The following IL2RB variants were observed in gnomAD, a reference collection of about 807,000 sequenced individuals.
The protein encoded by IL2RB is interleukin 2 receptor subunit beta, also known as interleukin-2 receptor subunit beta.
IL2RB carries 17 observed loss-of-function variants against 44.2 expected under a neutral mutation model. That is an observed-to-expected ratio of 0.38 (90% CI 0.26 to 0.58). The LOEUF (loss-of-function observed/expected upper bound fraction) is 0.58. Among genes scored for constraint, IL2RB ranks in the 20% least tolerant of loss-of-function variants. The probability of loss-of-function intolerance (pLI) is 0.63; values close to 1 mark genes in which losing one functional copy is unlikely to be tolerated. For synonymous variants in IL2RB, 286 were observed against 297.9 expected (o/e 0.96, Z 0.41); for missense variants, 624 against 685.5 (o/e 0.91, Z 1.00).
upstream of IL2RB, among the ~76,000 whole-genome samples, chr22:37,150,337 C>T (rs1237401526): frequency 6.6e-6 from 1 of 152,150 alleles, no homozygotes; most frequent in Non-Finnish European, 1.5e-5. Context: ...TCTCACCCTC[C>T]TCCCAGCCTG....
intron 7 of IL2RB, 120 bp from the exon 8 acceptor site, chr22:37,135,562 G>A (rs1601597675): frequency 4.7e-6 from 3 of 642,308 alleles, no homozygotes; most frequent in East Asian, 5.3e-5. Context: ...CGTCTGGGGG[G>A]CTGGGGACAG....
rs781374102 is a variant in IL2RB, at chr22:37,143,578, C to T, written c.146G>A (p.Ser49Asn). The change falls in exon 3 of 10, where the codon AGC becomes AAC. Residue 49 changes from serine to asparagine, a missense_variant. Around this residue, in one of 3 missense-constraint regions of IL2RB, gnomAD observed 78 missense variants for 70.0 expected, o/e 1.11. Transcript: ENST00000216223. The part of the protein sequence containing the change: ...NSRANISCVW[S>N]QDGALQDTSC... ...AGTGTCCTGCAGAGCCCCATCTTGGCTCCAGACACAGGAGATGTTGGCTCT... is the reference window on the plus strand; with the variant it reads ...AGTGTCCTGCAGAGCCCCATCTTGGTTCCAGACACAGGAGATGTTGGCTCT... 1.2e-6 allele frequency: 2 copies of T among 1,614,018 alleles called. No homozygotes were observed. The highest frequency in any genetic ancestry group is 1.7e-6 in the Non-Finnish European group (2 of 1,180,022).
At chr22:37,148,197 G>A (rs969775521) in intron 1 of IL2RB, among the ~76,000 whole-genome samples, 6 of 138,554 alleles carry the variant, frequency 4.3e-5, no homozygotes, top group African/African-American at 1.8e-4. Context: ...GAGGTGCAGC[G>A]ATGCTCGGAG....
intron 1 of IL2RB, among the ~76,000 whole-genome samples, chr22:37,149,029 C>T (rs116758994): frequency 2.6e-5 from 4 of 152,228 alleles, no homozygotes; most frequent in East Asian, 1.9e-4. Flanking sequence ...CAGCTGGGTG[C>T]GGGACCCTGG....
chr22:37,159,518 G>A lies in IL2RB; in HGVS notation c.-33-15313C>T, dbSNP rs543863368. 3.9e-5 allele frequency among the ~76,000 whole-genome samples: 6 copies of A among 152,282 alleles called. No individual in the cohort carries two copies. In the South Asian group the frequency reaches 1.0e-3, roughly 26 times the overall value. ...AAGGAGCAAGGCAGGCTAGATCTGG[G>A]TATCACCTGGCCCTACAACATATAT... is the stretch of plus-strand genomic sequence containing the variant. On this transcript the variant is annotated intron_variant, in intron 1 of 5. Coordinates refer to the IL2RB transcript ENST00000429622.
intron 1 of IL2RB, among the ~76,000 whole-genome samples, chr22:37,174,090 A>C (rs538247692): frequency 1.8e-4 from 28 of 152,210 alleles, no homozygotes; most frequent in African/African-American, 6.7e-4. Flanking sequence ...TCAGGGGTAA[A>C]TCTCACTTCC....
intron 1 of IL2RB, among the ~76,000 whole-genome samples, chr22:37,157,590 T>C (rs1922724765): frequency 6.6e-6 from 1 of 152,108 alleles, no homozygotes; most frequent in Non-Finnish European, 1.5e-5. Flanking sequence ...AGATTTACAG[T>C]GATATTCCTA....
In IL2RB at chr22:37,136,391, C is replaced by T; in HGVS notation, c.540G>A (p.Glu180=). 1 of 1,608,108 alleles carries T rather than the reference C, an allele frequency of 6.2e-7. No homozygotes were observed. The highest frequency in any genetic ancestry group is 8.5e-7 in the Non-Finnish European group (1 of 1,177,572). Residue 180 remains glutamate (E), a splice_region_variant and synonymous_variant, in exon 7 of 10, where the codon GAG becomes GAA. Transcript: ENST00000216223. ...TCTGCTTGAGAGTCAGCAGGGGGGC[C>T]TCCTGGGTCGGAGACAGGACTGTCA... The part of the protein sequence containing the change: ...RTLSPGHTWE[E]APLLTLKQKQ...
chr22:37,139,711 C>T (rs1022016496), intron 4 of IL2RB, among the ~76,000 whole-genome samples: 4 of 152,214 alleles, frequency 2.6e-5, no homozygotes, highest in Non-Finnish European at 4.4e-5. Flanking sequence ...TCCCCTATCT[C>T]TCCCCATCCC....
intron 7 of IL2RB, among the ~76,000 whole-genome samples, chr22:37,136,025 A>T (rs1324950063): frequency 6.6e-6 from 1 of 151,758 alleles, no homozygotes; most frequent in Non-Finnish European, 1.5e-5. Context: ...CCCCTCCCCA[A>T]CTCACAAGGC....
intron 9 of IL2RB, among the ~76,000 whole-genome samples, chr22:37,131,985 C>T (rs531181723): frequency 3.9e-5 from 6 of 152,188 alleles, no homozygotes; most frequent in Non-Finnish European, 5.9e-5. Context: ...CTACCTGCCA[C>T]AGCCTCCCAA....
chr22:37,159,747 A>T (rs1289434317), intron 1 of IL2RB, among the ~76,000 whole-genome samples: 1 of 152,204 alleles, frequency 6.6e-6, no homozygotes, highest in Non-Finnish European at 1.5e-5. Flanking sequence ...AGCCTGCAGA[A>T]GGGAAGTTCT....
intron 1 of IL2RB, 60 bp from the exon 2 acceptor site, chr22:37,144,265 C>T: frequency 6.8e-7 from 1 of 1,481,306 alleles, no homozygotes; most frequent in Non-Finnish European, 9.0e-7. Flanking sequence ...CTCGCTGCCC[C>T]TAGAGGCAGG....
chr22:37,143,682 C>T (rs771889176), intron 2 of IL2RB, 47 bp from the exon 3 acceptor site: 15 of 1,352,570 alleles, frequency 1.1e-5, no homozygotes, highest in Middle Eastern at 1.8e-4. Flanking sequence ...GTGCCCACAG[C>T]CCCCCCAAGA....
At chr22:37,169,242 A>C (rs147440724) in intron 1 of IL2RB, among the ~76,000 whole-genome samples, 169 of 149,768 alleles carry the variant, frequency 1.1e-3, no homozygotes, top group African/African-American at 3.9e-3. Flanking sequence ...GTTCTTGCTT[A>C]CAGAGGGGTT....
At chr22:37,146,174 G>T (rs777595276) in intron 1 of IL2RB, among the ~76,000 whole-genome samples, 3 of 152,046 alleles carry the variant, frequency 2.0e-5, no homozygotes, top group Non-Finnish European at 2.9e-5. Flanking sequence ...ACTACTTGTT[G>T]TCTCTTCCCC....
chr22:37,167,495 C>A (rs145183586), intron 1 of IL2RB, among the ~76,000 whole-genome samples: 1 of 152,250 alleles, frequency 6.6e-6, no homozygotes, highest in African/African-American at 2.4e-5. Flanking sequence ...CCCAGGCCTG[C>A]GGCCTCTCTG....
chr22:37,137,588 T>C lies in IL2RB; in HGVS notation c.536A>G (p.Glu179Gly). The change falls in exon 6 of 10, where the codon GAG (glutamate) becomes GGG (glycine). Residue 179 changes from glutamate (E) to glycine (G), a missense_variant and splice_region_variant. Physicochemically the swap from Glu to Gly is moderately conservative, Grantham distance 98. Around this residue, in one of 3 missense-constraint regions of IL2RB, gnomAD observed 255 missense variants for 339.9 expected, o/e 0.75. Coordinates refer to ENST00000216223, the MANE Select transcript of IL2RB (RefSeq NM_000878.5). The stretch of plus-strand genomic sequence containing the variant: ...GTACGGACTGGGCCACATTCTCACC[T>C]CCCAGGTGTGGCCTGGGGACAGCGT... The part of the protein sequence containing the change: ...ARTLSPGHTW[E>G]EAPLLTLKQK... 6.2e-7 allele frequency: 1 copy of C among 1,613,900 alleles called. No homozygotes were observed. Among genetic ancestry groups the C allele is most frequent in the Non-Finnish European group, 8.5e-7 (1 of 1,179,808 alleles).
chr22:37,136,466 A>ACAC (rs748761091), intron 6 of IL2RB, 73 bp from the exon 7 acceptor site: 1 of 1,262,978 alleles, frequency 7.9e-7, no homozygotes, highest in Admixed American at 2.5e-5. Context: ...GCATCACAGA[A>ACAC]CCCCCCCCCA....
Sources: gnomAD v4.1 joint callset for allele counts (sites outside exome capture counted in the v4.1 genomes callset) on GRCh38, gnomAD v4.1.1 for gene constraint, gnomAD v4.1.1 regional missense constraint, MANE v1.5 for transcripts, NCBI Gene and HGNC (gene_info 2026-07-23, HGNC 2026-07-21) for gene names.